The following RNF13 variants were observed in gnomAD, a reference collection of about 807,000 sequenced individuals.
RNF13 encodes the protein ring finger protein 13.
In RNF13, 19 loss-of-function variants were observed where a neutral mutation model predicts 37.7. That is an observed-to-expected ratio of 0.50 (90% CI 0.35 to 0.74). RNF13 has a LOEUF of 0.74. Among genes scored for constraint, RNF13 ranks in the 30% least tolerant of loss-of-function variants. The pLI is 0.01. For synonymous variants in RNF13, 144 were observed against 157.8 expected, an observed-to-expected ratio of 0.91 and a Z score of 0.65; for missense variants, 375 against 453.0, an observed-to-expected ratio of 0.83 and a Z score of 1.56.
At chr3:149,842,686 T>C (rs927286519) in intron 1 of RNF13, among the ~76,000 whole-genome samples, 47 of 152,322 alleles carry the variant, frequency 3.1e-4, no homozygotes, top group African/African-American at 1.1e-3. Context: ...AAAAGAAAAA[T>C]TCCAACAGTA....
chr3:149,867,863 C>A (rs1711538426), intron 3 of RNF13, among the ~76,000 whole-genome samples: 1 of 151,748 alleles, frequency 6.6e-6, no homozygotes, highest in Admixed American at 6.6e-5. Flanking sequence ...TCCTTTCTTA[C>A]TGTCTTCCTT....
At chr3:149,858,343 C>T (rs1008417301) in intron 3 of RNF13, among the ~76,000 whole-genome samples, 1 of 152,114 alleles carries the variant, frequency 6.6e-6, no homozygotes, top group Admixed American at 6.5e-5. Context: ...TTTTTATTAT[C>T]AGTATAATTG....
At position 149,961,132 on chromosome 3, in the gene RNF13, CT is replaced by C. The variant is rs1412099947; in HGVS notation, c.*31del. 66 of 1,560,724 alleles carry C rather than the reference CT, an allele frequency of 4.2e-5. No homozygotes were observed. Among genetic ancestry groups the C allele is most frequent in the Non-Finnish European group, 5.6e-5 (65 of 1,152,500 alleles). ...TTCAGAAGATGATTGGTTTATTTCC[CT>C]TTAAAATGATTAGGTATATACTGTA... On this transcript the variant is annotated 3_prime_UTR_variant, in exon 10 of 10. Transcript: ENST00000392894.
At chr3:149,854,562 G>A (rs1723461560) in intron 3 of RNF13, among the ~76,000 whole-genome samples, 1 of 152,224 alleles carries the variant, frequency 6.6e-6, no homozygotes, top group African/African-American at 2.4e-5. Context: ...AAGGGATAAA[G>A]ATGTTCAGAG....
intron 3 of RNF13, among the ~76,000 whole-genome samples, chr3:149,864,095 A>G (rs912022812): frequency 8.4e-6 from 1 of 118,542 alleles, no homozygotes; most frequent in East Asian, 2.9e-4. Flanking sequence ...TAGTTTGGAT[A>G]TTTGATCCTT....
At chr3:149,869,388 A>G (rs941914203) in intron 3 of RNF13, among the ~76,000 whole-genome samples, 3 of 151,782 alleles carry the variant, frequency 2.0e-5, no homozygotes, top group East Asian at 3.9e-4. Context: ...GGCGGATCAC[A>G]AGGTCAGGAG....
intron 3 of RNF13, among the ~76,000 whole-genome samples, chr3:149,854,257 C>T (rs895896145): frequency 4.6e-5 from 7 of 152,014 alleles, no homozygotes; most frequent in Non-Finnish European, 7.4e-5. Context: ...GACTATTTCT[C>T]ATAAAAATAT....
chr3:149,943,378 A>G (rs976802561), intron 8 of RNF13, among the ~76,000 whole-genome samples: 2 of 152,144 alleles, frequency 1.3e-5, no homozygotes, highest in African/African-American at 2.4e-5. Context: ...ATCTGTTGCA[A>G]CTGATGAATG....
At chr3:149,888,764 G>A (rs889445605) in intron 4 of RNF13, among the ~76,000 whole-genome samples, 2 of 152,184 alleles carry the variant, frequency 1.3e-5, no homozygotes, top group Admixed American at 6.5e-5. Context: ...TTGCAGGTGT[G>A]TAGCCTGGAC....
At chr3:149,935,699 G>C (rs565552353) in intron 8 of RNF13, among the ~76,000 whole-genome samples, 2 of 152,208 alleles carry the variant, frequency 1.3e-5, no homozygotes, top group African/African-American at 4.8e-5. Context: ...TTGACCTCTT[G>C]TTGACACAAT....
intron 7 of RNF13, among the ~76,000 whole-genome samples, chr3:149,918,646 C>T (rs1392267551): frequency 1.3e-5 from 2 of 151,792 alleles, no homozygotes; most frequent in Admixed American, 6.6e-5. Context: ...ACCTCAGCCT[C>T]CCAAGTAGCT....
intron 4 of RNF13, among the ~76,000 whole-genome samples, chr3:149,885,033 T>G (rs1459223655): frequency 2.0e-5 from 3 of 152,198 alleles, no homozygotes; most frequent in Non-Finnish European, 4.4e-5. Context: ...GCTTTCAGTT[T>G]CATTCATGTT....
chr3:149,890,432 C>A lies in RNF13; in HGVS notation c.322-5041C>A, dbSNP rs75746072. Among the ~76,000 whole-genome samples, 70 of 152,228 alleles carry A rather than the reference C, an allele frequency of 4.6e-4. No individual in the cohort carries two copies. In the East Asian group the frequency reaches 8.5e-3, roughly 18 times the overall value. ...TCACTTCTGACTGTCCAACAATAAA[C>A]ACTAGTAGCAATGGCAATAAACATA... is the stretch of plus-strand genomic sequence containing the variant. On this transcript the variant is annotated intron_variant, in intron 4 of 9. Transcript: ENST00000392894.
chr3:149,935,136 T>C (rs1424848137), intron 8 of RNF13, among the ~76,000 whole-genome samples: 1 of 152,152 alleles, frequency 6.6e-6, no homozygotes, highest in African/African-American at 2.4e-5. Context: ...TATATAGTGA[T>C]TTTTTGGGTC....
chr3:149,894,033 C>T (rs1473569503), intron 4 of RNF13: 6 of 152,070 alleles, frequency 3.9e-5, no homozygotes, highest in African/African-American at 7.2e-5. Flanking sequence ...TTAAAAAGTA[C>T]GTTTAATTGA....
chr3:149,895,054 A>G (rs1715095960), intron 4 of RNF13, among the ~76,000 whole-genome samples: 1 of 152,238 alleles, frequency 6.6e-6, no homozygotes, highest in Admixed American at 6.5e-5. Context: ...GGAATTTTAC[A>G]GAATATTTTG....
chr3:149,947,333 T>G (rs1720861915), intron 8 of RNF13, among the ~76,000 whole-genome samples: 1 of 152,166 alleles, frequency 6.6e-6, no homozygotes, highest in South Asian at 2.1e-4. Context: ...TGTCTGGTTG[T>G]TCTATTCTTA....
intron 1 of RNF13, among the ~76,000 whole-genome samples, chr3:149,823,343 A>G (rs995571605): frequency 6.6e-6 from 1 of 152,180 alleles, no homozygotes; most frequent in Non-Finnish European, 1.5e-5. Context: ...CATTTGATAA[A>G]TATTAGCTAT....
intron 2 of RNF13, among the ~76,000 whole-genome samples, chr3:149,846,849 A>T (rs913418724): frequency 6.6e-6 from 1 of 152,242 alleles, no homozygotes; most frequent in African/African-American, 2.4e-5. Context: ...TAAGATGTTC[A>T]TAGAAAATTT....
Sources: allele counts gnomAD v4.1 joint callset (sites outside exome capture counted in the v4.1 genomes callset), GRCh38; gene constraint gnomAD v4.1.1; transcripts MANE v1.5; gene names NCBI Gene and HGNC (gene_info 2026-07-23, HGNC 2026-07-21).